The following EYA4 variants were observed in gnomAD, a reference collection of about 807,000 sequenced individuals.
EYA4 encodes the protein EYA transcriptional coactivator and phosphatase 4, also known as protein phosphatase EYA4.
A neutral mutation model predicts 87.9 loss-of-function variants in EYA4; 31 were observed. The ratio of observed to expected loss-of-function variants is 0.35; its 90% CI spans 0.27 to 0.48. EYA4 has a LOEUF of 0.48. EYA4 is among the 20% of genes least tolerant of loss of function. The pLI is 0.99. For synonymous variants in EYA4, 263 were observed against 270.6 expected (o/e 0.97, Z 0.28); for missense variants, 678 against 761.4 (o/e 0.89, Z 1.29).
intron 17 of EYA4, among the ~76,000 whole-genome samples, chr6:133,520,808 C>T (rs1425737070): frequency 6.6e-6 from 1 of 151,788 alleles, no homozygotes; most frequent in African/African-American, 2.4e-5. Context: ...GAAATAACAC[C>T]GCCTATCTAC....
At chr6:133,369,562 C>T (rs1295238141) in intron 2 of EYA4, among the ~76,000 whole-genome samples, 2 of 151,970 alleles carry the variant, frequency 1.3e-5, no homozygotes, top group Non-Finnish European at 2.9e-5. Flanking sequence ...AGAAGAGAGC[C>T]CTGTACTTTT....
Position 133,425,779 on chromosome 6 carries a change from C to T in EYA4, c.84-20851C>T, listed in dbSNP as rs548997458. On this transcript the variant is annotated intron_variant, in intron 3 of 19. Coordinates refer to ENST00000355286, the MANE Select transcript of EYA4 (RefSeq NM_004100.5). The stretch of plus-strand genomic sequence containing the variant: ...GGCTTTCCCCTCTCTAATTCAGCCT[C>T]CACATGGTCATCACACACTTTTCTG... 4.0e-5 allele frequency among the ~76,000 whole-genome samples: 6 copies of T among 150,742 alleles called. No individual in the cohort carries two copies. In the East Asian group the frequency reaches 1.2e-3, roughly 30 times the overall value.
chr6:133,367,253 T>C (rs1473922752), intron 2 of EYA4, among the ~76,000 whole-genome samples: 1 of 152,186 alleles, frequency 6.6e-6, no homozygotes, highest in Non-Finnish European at 1.5e-5. Context: ...TGCCTACTTA[T>C]GTGTACTCAT....
intron 16 of EYA4, 140 bp downstream of exon 16, chr6:133,513,178 T>C: frequency 1.2e-6 from 1 of 861,344 alleles, no homozygotes; most frequent in Non-Finnish European, 1.8e-6. Context: ...AGAAGTTTCT[T>C]AGAATTGGTG....
chr6:133,495,485 T>TTTATTTATA lies in EYA4; in HGVS notation c.1192-10621_1192-10620insTTATTTATA, dbSNP rs1797576308. ...ATTTATAAATAAATATAAAGAAATA[T>TTTATTTATA]AGAAGAGAGAGGTAGGCAAGGGCTG... On this transcript the variant is annotated intron_variant, in intron 13 of 19. Transcript: ENST00000355286. 1.7e-5 allele frequency among the ~76,000 whole-genome samples: 2 copies of TTTATTTATA among 119,898 alleles called. 1 individual carries two copies. The allele number at this position is 119,898 out of a possible 152,430, so 78.7% of individuals were successfully genotyped here.
Position 133,446,747 on chromosome 6 carries a change from G to T in EYA4, c.201G>T (p.Gly67=). 6.2e-7 allele frequency: 1 copy of T among 1,613,892 alleles called. No individual in the cohort carries two copies. Among genetic ancestry groups the T allele is most frequent in the Non-Finnish European group, 8.5e-7 (1 of 1,179,904 alleles). Residue 67 remains glycine (G), a synonymous_variant, in exon 4 of 20, where the codon GGG becomes GGT. Transcript: ENST00000355286. Reference sequence around the variant, plus strand: ...GCAGCACATCAGTTACTACAAATGGGACAGGAGGTAAGTGTACTACCCTGA... The same window carrying T: ...GCAGCACATCAGTTACTACAAATGGTACAGGAGGTAAGTGTACTACCCTGA... ...NLSSTSVTTN[G]TGGENMTVLN... is the part of the protein sequence containing the mutation.
intron 1 of EYA4, among the ~76,000 whole-genome samples, chr6:133,271,663 C>T (rs1776698455): frequency 6.6e-6 from 1 of 152,174 alleles, no homozygotes; most frequent in Non-Finnish European, 1.5e-5. Context: ...ATTGGGCACT[C>T]AGCAGTGGCC....
rs58070340 is a variant in EYA4 at position 133,285,142 on chromosome 6, A to G, written c.33+10329A>G. Among the ~76,000 whole-genome samples, 482 of 150,408 alleles carry G rather than the reference A, an allele frequency of 3.2e-3. 4 individuals are homozygous for G. The highest frequency in any genetic ancestry group is 0.011 in the African/African-American group (453 of 41,270). ...CTCCCGAGTAGCTGGGACTACAGGC[A>G]CCCGCCACCACGCCCGGCTAATTTT... On this transcript the variant is annotated intron_variant, in intron 2 of 19. Coordinates refer to ENST00000355286, the MANE Select transcript of EYA4 (RefSeq NM_004100.5).
intron 3 of EYA4, among the ~76,000 whole-genome samples, chr6:133,392,031 C>T (rs1019318105): frequency 2.0e-5 from 3 of 152,082 alleles, no homozygotes; most frequent in African/African-American, 4.8e-5. Flanking sequence ...ATCTACAAAC[C>T]GTGATCTGAA....
At chr6:133,382,360 A>C in intron 2 of EYA4, 32 bp from the exon 3 acceptor site, 1 of 1,509,990 alleles carries the variant, frequency 6.6e-7, no homozygotes, top group Non-Finnish European at 9.2e-7. Context: ...TTGTATTTTC[A>C]TATGAGAATA....
chr6:133,454,630 G>A (rs1482422747), intron 5 of EYA4, among the ~76,000 whole-genome samples: 1 of 152,134 alleles, frequency 6.6e-6, no homozygotes, highest in Non-Finnish European at 1.5e-5. Flanking sequence ...GACAAGAGAA[G>A]TGCCTGGAAT....
chr6:133,272,993 G>C (rs563797702), intron 1 of EYA4, among the ~76,000 whole-genome samples: 1 of 151,248 alleles, frequency 6.6e-6, no homozygotes, highest in Non-Finnish European at 1.5e-5. Flanking sequence ...CCAAACGCTG[G>C]GTTAAGGCAC....
At chr6:133,431,475 T>C (rs1791177501) in intron 3 of EYA4, among the ~76,000 whole-genome samples, 1 of 152,210 alleles carries the variant, frequency 6.6e-6, no homozygotes, top group Non-Finnish European at 1.5e-5. Flanking sequence ...TCTACTACAA[T>C]AAATAGGTGA....
At chr6:133,460,237 G>A (rs1344957077) in intron 6 of EYA4, among the ~76,000 whole-genome samples, 1 of 152,118 alleles carries the variant, frequency 6.6e-6, no homozygotes, top group African/African-American at 2.4e-5. Context: ...ATGAACAGCA[G>A]ATGGCCTAAT....
intron 1 of EYA4, chr6:133,248,186 T>TAAG (rs1390500943): frequency 9.2e-5 from 14 of 152,210 alleles, no homozygotes. Context: ...TTAAAGACTG[T>TAAG]AAGAAGAAAC....
chr6:133,373,019 T>C (rs982651489), intron 2 of EYA4, among the ~76,000 whole-genome samples: 3 of 152,088 alleles, frequency 2.0e-5, no homozygotes, highest in Admixed American at 1.3e-4. Context: ...TGCATATGAA[T>C]TGAACAATTT....
At chr6:133,448,240 C>A in intron 5 of EYA4, 61 bp downstream of exon 5, 3 of 1,188,354 alleles carry the variant, frequency 2.5e-6, no homozygotes, top group Non-Finnish European at 3.8e-6. Flanking sequence ...CTCTGGATTG[C>A]TGTCTGTTGC....
chr6:133,519,538 G>A (rs1255365211), intron 17 of EYA4, among the ~76,000 whole-genome samples: 1 of 151,478 alleles, frequency 6.6e-6, no homozygotes, highest in Non-Finnish European at 1.5e-5. Flanking sequence ...AGGACCAGAT[G>A]GATTCACAGC....
chr6:133,287,921 G>A (rs1778192587), intron 2 of EYA4, among the ~76,000 whole-genome samples: 1 of 152,058 alleles, frequency 6.6e-6, no homozygotes, highest in Non-Finnish European at 1.5e-5. Context: ...GATCACCTGA[G>A]GTCAGGTGAC....
Sources: gnomAD v4.1 joint callset for allele counts (sites outside exome capture counted in the v4.1 genomes callset) on GRCh38, gnomAD v4.1.1 for gene constraint, MANE v1.5 for transcripts, NCBI Gene and HGNC (gene_info 2026-07-23, HGNC 2026-07-21) for gene names.